TSHZ2: variants seen among roughly 807,000 people sequenced by gnomAD.
TSHZ2 encodes teashirt homolog 2.
Under a neutral mutation model 74.4 loss-of-function variants are expected in TSHZ2, and 21 were observed. The ratio of observed to expected loss-of-function variants is 0.28; its 90% CI spans 0.20 to 0.41. The LOEUF (loss-of-function observed/expected upper bound fraction) is 0.41. Among genes scored for constraint, TSHZ2 ranks in the 10% least tolerant of loss-of-function variants. The pLI is 1.00. For synonymous variants in TSHZ2, 540 were observed against 515.3 expected, an observed-to-expected ratio of 1.05 and a Z score of -0.65; for missense variants, 1,244 against 1,293.5, an observed-to-expected ratio of 0.96 and a Z score of 0.59.
At chr20:53,056,471 T>A (rs1211646208) in intron 1 of TSHZ2, among the ~76,000 whole-genome samples, 3 of 152,216 alleles carry the variant, frequency 2.0e-5, no homozygotes, top group African/African-American at 7.2e-5. Flanking sequence ...CTAACTCTTA[T>A]TTGTCAAGTA....
intron 1 of TSHZ2, among the ~76,000 whole-genome samples, chr20:53,051,457 GCA>G (rs11474223): frequency 0.1 from 14,914 of 144,968 alleles, 883 homozygotes; most frequent in African/African-American, 0.16. Context: ...TGTGGCGCAC[GCA>G]CACACACACA....
chr20:53,292,449 T>A (rs950728374), intron 2 of TSHZ2, among the ~76,000 whole-genome samples: 2 of 48,574 alleles, frequency 4.1e-5, no homozygotes, highest in African/African-American at 2.7e-4. Flanking sequence ...AACCACCTAT[T>A]TTTTTTTTTT....
At chr20:53,107,315 C>A (rs1201831750) in intron 1 of TSHZ2, among the ~76,000 whole-genome samples, 1 of 152,198 alleles carries the variant, frequency 6.6e-6, no homozygotes, top group African/African-American at 2.4e-5. Context: ...CAAGTTACTG[C>A]AACTTCTCTG....
At chr20:53,370,007 C>T (rs1189460850) in intron 2 of TSHZ2, among the ~76,000 whole-genome samples, 2 of 151,840 alleles carry the variant, frequency 1.3e-5, no homozygotes, top group African/African-American at 2.4e-5. Flanking sequence ...TCTGTGAAAT[C>T]CAGAAGTCTG....
At chr20:53,404,019 C>T (rs6013678) in intron 2 of TSHZ2, among the ~76,000 whole-genome samples, 7 of 152,174 alleles carry the variant, frequency 4.6e-5, no homozygotes, top group Non-Finnish European at 1.0e-4. Context: ...CATCATTATG[C>T]TAAGATGTTG....
intron 1 of TSHZ2, among the ~76,000 whole-genome samples, chr20:53,005,842 A>T (rs1350044874): frequency 6.6e-6 from 1 of 152,150 alleles, no homozygotes; most frequent in African/African-American, 2.4e-5. Context: ...AAATCTATGA[A>T]ATTTAAGATA....
At chr20:53,349,023 A>G (rs1015293514) in intron 2 of TSHZ2, among the ~76,000 whole-genome samples, 5 of 152,180 alleles carry the variant, frequency 3.3e-5, no homozygotes, top group Non-Finnish European at 7.4e-5. Context: ...TCTTTATTCT[A>G]AGGGGCTGCT....
At chr20:53,349,744 G>A (rs189880294) in intron 2 of TSHZ2, among the ~76,000 whole-genome samples, 28 of 152,012 alleles carry the variant, frequency 1.8e-4, no homozygotes, top group East Asian at 5.8e-4. Flanking sequence ...GAAATCAGGC[G>A]TGCAGTTTTA....
chr20:53,142,970 C>G (rs1987443528), intron 1 of TSHZ2, among the ~76,000 whole-genome samples: 1 of 152,122 alleles, frequency 6.6e-6, no homozygotes. Context: ...TGTGTCAGAT[C>G]GCATTGAGTA....
intron 1 of TSHZ2, among the ~76,000 whole-genome samples, chr20:53,149,731 G>GTA (rs1348756639): frequency 1.3e-5 from 2 of 152,156 alleles, no homozygotes; most frequent in African/African-American, 2.4e-5. Context: ...AAGAGCTGAG[G>GTA]CAGGAAAACC....
chr20:53,176,690 CTT>C (rs1205063066), intron 1 of TSHZ2, among the ~76,000 whole-genome samples: 78 of 137,324 alleles, frequency 5.7e-4, no homozygotes, highest in African/African-American at 9.0e-4. Context: ...TTGTTTCTTT[CTT>C]TTTTTTTTTT....
intron 2 of TSHZ2, among the ~76,000 whole-genome samples, chr20:53,461,180 A>G (rs1387079705): frequency 1.3e-5 from 2 of 151,786 alleles, no homozygotes; most frequent in African/African-American, 4.8e-5. Flanking sequence ...CTGCTGTGCT[A>G]GCAATCAGCG....
chr20:53,231,053 AGG>A, intron 1 of TSHZ2, among the ~76,000 whole-genome samples: 1 of 152,074 alleles, frequency 6.6e-6, no homozygotes, highest in African/African-American at 2.4e-5. Context: ...TGCTTTCTTG[AGG>A]GAAGGAGGGT....
chr20:53,450,252 A>G (rs1287309450), intron 2 of TSHZ2, among the ~76,000 whole-genome samples: 2 of 152,218 alleles, frequency 1.3e-5, no homozygotes, highest in African/African-American at 4.8e-5. Flanking sequence ...CCTCTTTAAA[A>G]TACATCCTTC....
At position 53,340,781 on chromosome 20, in the gene TSHZ2, T is replaced by G. The variant is rs62208331; in HGVS notation, c.*8+84210T>G. ...TGCCTCTAGCCCTCTCTTTCTCTCT[T>G]CTTTGTCTTGTAGACATGAGAGACA... On this transcript the variant is annotated intron_variant, in intron 2 of 2. Coordinates refer to ENST00000371497, the MANE Select transcript of TSHZ2 (RefSeq NM_173485.6). 4.3e-3 allele frequency among the ~76,000 whole-genome samples: 648 copies of G among 152,268 alleles called. 1 individual carries two copies. The highest frequency in any genetic ancestry group is 8.6e-3 in the Admixed American group (131 of 15,290).
At chr20:53,142,320 C>T (rs1259552650) in intron 1 of TSHZ2, among the ~76,000 whole-genome samples, 3 of 152,326 alleles carry the variant, frequency 2.0e-5, no homozygotes, top group African/African-American at 7.2e-5. Flanking sequence ...CTCCACAGGG[C>T]TTCCGGTTCA....
At chr20:53,450,116 GCTATGCCTTA>G (rs776171950) in intron 2 of TSHZ2, among the ~76,000 whole-genome samples, 12 of 152,200 alleles carry the variant, frequency 7.9e-5, no homozygotes, top group Admixed American at 2.0e-4. Context: ...GAAGGCACTG[GCTATGCCTTA>G]CTCATTTAAT....
In TSHZ2 at chr20:53,059,245, T is replaced by C. The variant is rs117391367; in HGVS notation, c.40+85912T>C. ...TAGTGAGACTTTTAAGGCATGTTGT[T>C]GGATTGAGCTAAGTAGATGAACACA... On this transcript the variant is annotated intron_variant, in intron 1 of 2. Transcript: ENST00000371497. Among the ~76,000 whole-genome samples, 128 of 152,350 alleles carry C rather than the reference T, an allele frequency of 8.4e-4. 2 individuals are homozygous for C. The East Asian group carries it at 0.017, about 20-fold the overall frequency.
At chr20:53,430,875 C>G (rs1262936502) in intron 2 of TSHZ2, among the ~76,000 whole-genome samples, 1 of 152,078 alleles carries the variant, frequency 6.6e-6, no homozygotes, top group African/African-American at 2.4e-5. Context: ...CCTGCCTCAG[C>G]CTCCCGACTA....
Sources: gnomAD v4.1 joint callset for allele counts (sites outside exome capture counted in the v4.1 genomes callset) on GRCh38, gnomAD v4.1.1 for gene constraint, MANE v1.5 for transcripts, NCBI Gene and HGNC (gene_info 2026-07-23, HGNC 2026-07-21) for gene names.